Variants in ZFP1 observed in about 807,000 individuals in gnomAD.
ZFP1 encodes ZFP1 zinc finger protein, also known as zinc finger protein 1 homolog.
In ZFP1, 32 loss-of-function variants were observed where a neutral mutation model predicts 38.5. The ratio of observed to expected loss-of-function variants is 0.83; its 90% CI spans 0.63 to 1.12. The LOEUF (loss-of-function observed/expected upper bound fraction) is 1.12. ZFP1 is among the 50% of genes most tolerant of loss of function. The pLI, the probability that ZFP1 is intolerant of heterozygous loss-of-function variation, is 0.00. For missense variants in ZFP1, 616 were observed against 480.8 expected (o/e 1.28, Z -2.63); for synonymous variants, 245 against 168.8 (o/e 1.45, Z -3.50).
At position 75,158,023 on chromosome 16, in the gene ZFP1, C is replaced by T. The variant is rs371261671; in HGVS notation, c.15+5057C>T. 5.0e-4 allele frequency among the ~76,000 whole-genome samples: 76 copies of T among 151,920 alleles called. 1 individual carries two copies. The highest frequency in any genetic ancestry group is 1.6e-3 in the African/African-American group (68 of 41,436). ...GGCTGGTCTCAAACCCCTAGGCTTA[C>T]GAGATCTGTCTACCTCAGCCTCCCA... On this transcript the variant is annotated intron_variant, in intron 2 of 3. Coordinates refer to ENST00000570010, the MANE Select transcript of ZFP1 (RefSeq NM_153688.4).
the ZFP1 span, among the ~76,000 whole-genome samples, chr16:75,129,122 AC>A: frequency 1.6e-4 from 24 of 152,152 alleles, no homozygotes; most frequent in Middle Eastern, 3.4e-3. Flanking sequence ...TGATGTATGG[AC>A]TTCGGAGTAA....
chr16:75,120,230 T>G, the ZFP1 span, among the ~76,000 whole-genome samples: 1 of 152,228 alleles, frequency 6.6e-6, no homozygotes, highest in Non-Finnish European at 1.5e-5. Context: ...CCAAGAATCT[T>G]GTCTTTTTTT....
chr16:75,139,887 T>C, the ZFP1 span, among the ~76,000 whole-genome samples: 1 of 152,232 alleles, frequency 6.6e-6, no homozygotes, highest in African/African-American at 2.4e-5. Flanking sequence ...TGCGCGATAT[T>C]GTGGATGTAT....
the ZFP1 span, among the ~76,000 whole-genome samples, chr16:75,133,588 A>G: frequency 3.3e-5 from 5 of 152,320 alleles, no homozygotes; most frequent in Admixed American, 1.3e-4. Flanking sequence ...CACAAAAGAC[A>G]TGATCTTTTT....
chr16:75,138,166 A>T, the ZFP1 span, among the ~76,000 whole-genome samples: 5 of 150,338 alleles, frequency 3.3e-5, no homozygotes, highest in African/African-American at 1.2e-4. Context: ...CCTCTCAAGT[A>T]GCTGGGACTA....
chr16:75,121,478 A>G, the ZFP1 span, among the ~76,000 whole-genome samples: 1 of 152,082 alleles, frequency 6.6e-6, no homozygotes, highest in Non-Finnish European at 1.5e-5. Context: ...TCCCTCTGGC[A>G]CCATCAGACT....
chr16:75,139,345 G>A, the ZFP1 span, among the ~76,000 whole-genome samples: 2 of 129,880 alleles, frequency 1.5e-5, no homozygotes, highest in Admixed American at 9.2e-5. Flanking sequence ...CTCCAGCCTG[G>A]GCGATAGAGC....
At chr16:75,146,249 G>A (rs565313270), upstream of ZFP1, among the ~76,000 whole-genome samples, 6 of 150,736 alleles carry the variant, frequency 4.0e-5, no homozygotes, top group East Asian at 1.2e-3. Context: ...TGCAAGCTCC[G>A]CCTCCCAGGT....
intron 3 of ZFP1, among the ~76,000 whole-genome samples, 185 bp downstream of exon 3, chr16:75,167,081 A>C (rs538515657): frequency 6.1e-4 from 93 of 152,254 alleles, no homozygotes; most frequent in Non-Finnish European, 1.5e-4. Context: ...TCTGAAGTCC[A>C]GGCAATTAGG....
intron 2 of ZFP1, among the ~76,000 whole-genome samples, chr16:75,158,210 A>G (rs1364998019): frequency 2.0e-5 from 3 of 151,656 alleles, no homozygotes; most frequent in Admixed American, 1.3e-4. Context: ...CGTGGTTTTG[A>G]TCCAGCCTGT....
intron 1 of ZFP1, chr16:75,149,019 G>T (rs112026864): frequency 0.091 from 13,773 of 151,852 alleles, 1,170 homozygotes; most frequent in African/African-American, 0.21. Flanking sequence ...GGCGTGGCCT[G>T]ACACACCTGG....
intron 2 of ZFP1, chr16:75,157,039 A>C (rs967435102): frequency 6.6e-6 from 1 of 152,180 alleles, no homozygotes. Context: ...ATGTGGTGTT[A>C]GTAGAGAATC....
chr16:75,155,027 G>A lies in ZFP1; in HGVS notation c.15+2061G>A, dbSNP rs146611178. On this transcript the variant is annotated intron_variant, in intron 2 of 3. Transcript: ENST00000570010. ...TTGGTCAGGCTGGTCTCGAACTCCT[G>A]GGCTCAAGTGATCCACCCACCTTGG... 3.9e-4 allele frequency among the ~76,000 whole-genome samples: 60 copies of A among 152,252 alleles called. 1 individual carries two copies. The highest frequency in any genetic ancestry group is 1.4e-3 in the African/African-American group (58 of 41,542).
the ZFP1 span, chr16:75,132,615 TG>T: frequency 1.3e-5 from 2 of 151,216 alleles, no homozygotes; most frequent in African/African-American, 4.9e-5. Context: ...ATTCAAAATG[TG>T]GCTAAGGTAA....
At chr16:75,123,487 A>G in the ZFP1 span, among the ~76,000 whole-genome samples, 15,210 of 122,464 alleles carry the variant, frequency 0.12, 1,970 homozygotes, top group East Asian at 0.56. Flanking sequence ...ATATATATAT[A>G]TATATATATA....
At chr16:75,146,312 G>C (rs185742965), upstream of ZFP1, among the ~76,000 whole-genome samples, 72 of 152,054 alleles carry the variant, frequency 4.7e-4, no homozygotes, top group Admixed American at 4.3e-3. Flanking sequence ...ACAGGTGCCC[G>C]CCACCACGCC....
At chr16:75,129,706 G>C in the ZFP1 span, among the ~76,000 whole-genome samples, 1 of 152,166 alleles carries the variant, frequency 6.6e-6, no homozygotes. Flanking sequence ...AAACTGTGCT[G>C]TGATCACCTT....
At chr16:75,155,719 G>C (rs962836750) in intron 2 of ZFP1, among the ~76,000 whole-genome samples, 1 of 152,172 alleles carries the variant, frequency 6.6e-6, no homozygotes, top group East Asian at 1.9e-4. Context: ...AATCCACCTA[G>C]TAGATAGCCA....
At chr16:75,161,774 A>ATATATATATATATATATATATAT (rs1555523101) in intron 2 of ZFP1, among the ~76,000 whole-genome samples, 1 of 7,822 alleles carries the variant, frequency 1.3e-4, no homozygotes, top group Non-Finnish European at 2.8e-4. Flanking sequence ...ATATATATAT[A>ATATATATATATATATATATATAT]TTTTTTTTTT....
Sources: gnomAD v4.1 joint callset for allele counts (sites outside exome capture counted in the v4.1 genomes callset) on GRCh38, gnomAD v4.1.1 for gene constraint, MANE v1.5 for transcripts, NCBI Gene and HGNC (gene_info 2026-07-23, HGNC 2026-07-21) for gene names.